The following ABCA2 variants were observed in gnomAD, a reference collection of about 807,000 sequenced individuals.
ABCA2 encodes ATP binding cassette subfamily A member 2, also known as ATP-binding cassette sub-family A member 2.
In ABCA2, 84 loss-of-function variants were observed where a neutral mutation model predicts 262.8. The ratio of observed to expected loss-of-function variants is 0.32; its 90% CI spans 0.27 to 0.38. ABCA2 has a LOEUF of 0.38. Among genes scored for constraint, ABCA2 ranks in the 10% least tolerant of loss-of-function variants. The probability of loss-of-function intolerance (pLI) is 1.00; values close to 1 mark genes in which losing one functional copy is unlikely to be tolerated. For missense variants in ABCA2, 2,662 were observed against 3,405.9 expected (o/e 0.78, Z 5.44); for synonymous variants, 1,696 against 1,502.9 (o/e 1.13, Z -2.97).
chr9:137,021,896 T>C lies in ABCA2; in HGVS notation c.673A>G (p.Met225Val). 2 of 1,594,620 alleles carry C rather than the reference T, an allele frequency of 1.3e-6. No homozygotes were observed. The highest frequency in any genetic ancestry group is 8.5e-7 in the Non-Finnish European group (1 of 1,171,536). The change falls in exon 7 of 49, where the codon ATG becomes GTG. Residue 225 changes from methionine (M) to valine (V), a missense_variant. Physicochemically the swap from Met to Val is conservative, Grantham distance 21 (BLOSUM62 1). Coordinates refer to ENST00000341511, the MANE Select transcript of ABCA2 (RefSeq NM_001606.5). This position sits in a 1 kb window ranked among gnomAD's most constrained non-coding sequence, Gnocchi z 6.0. ...CCACACATGGATGCCCTCACCTCCA[T>C]CCGGAACAGGGGATTGCCCCCTAGG... ...SRLGGNPLFRMEELLLAPALL... is the reference protein window; with the variant it reads ...SRLGGNPLFRVEELLLAPALL...
chr9:137,018,912 G>A lies in ABCA2; in HGVS notation c.1713C>T (p.Phe571=), dbSNP rs1831358425. 6.2e-7 allele frequency: 1 copy of A among 1,612,412 alleles called. No homozygotes were observed. ...IDNAACGWIQ[F]MSKVSVDIFK... Reference sequence around the variant, plus strand: ...AGGCCCCACCGCTCACCTTGGACATGAACTGGATCCAGCCGCAGGCCGCGT... The same window carrying A: ...AGGCCCCACCGCTCACCTTGGACATAAACTGGATCCAGCCGCAGGCCGCGT... Residue 571 remains phenylalanine, a synonymous_variant, in exon 12 of 49, where the codon TTC becomes TTT. Coordinates refer to ENST00000341511, the MANE Select transcript of ABCA2 (RefSeq NM_001606.5).
intron 1 of ABCA2, among the ~76,000 whole-genome samples, chr9:137,025,774 C>T (rs1247051732): frequency 6.6e-6 from 1 of 152,218 alleles, no homozygotes; most frequent in Non-Finnish European, 1.5e-5. Context: ...ACTGCAGCAA[C>T]AGGCCCGGCT....
chr9:137,015,215 G>A (rs1831213287), intron 24 of ABCA2, 118 bp from the exon 25 acceptor site: 13 of 1,277,958 alleles, frequency 1.0e-5, no homozygotes, highest in Admixed American at 2.7e-5. Context: ...GGCCCCAGCA[G>A]GTATCCTGGG....
intron 41 of ABCA2, 30 bp from the exon 42 acceptor site, chr9:137,010,154 G>C (rs766492404): frequency 6.3e-7 from 1 of 1,592,106 alleles, no homozygotes; most frequent in Non-Finnish European, 8.5e-7. Context: ...CAGCGCGTGA[G>C]GACGCGGCGG....
In ABCA2 at chr9:137,019,653, C is replaced by T; in HGVS notation, c.1426-347G>A. On this transcript the variant is annotated intron_variant, in intron 10 of 48. Transcript: ENST00000341511. The surrounding 1 kb of genome is among the most constrained non-coding windows in gnomAD (Gnocchi z 4.4). The stretch of plus-strand genomic sequence containing the variant: ...CTCGGGCTTGTCTCAAACTCCTGAG[C>T]TCAAGCGATCCTCCCACCATGGCTT... The T allele has an allele frequency of 4.1e-6, 1 of 243,382 alleles. No individual in the cohort carries two copies. The allele number at this position is 243,382 out of a possible 1,614,324, so 15.1% of individuals were successfully genotyped here. A position where few individuals can be genotyped will look rare whatever the true frequency, so the allele number is the denominator to read the frequency against.
chr9:137,016,786 C>A, intron 19 of ABCA2, 48 bp from the exon 20 acceptor site: 1 of 1,539,560 alleles, frequency 6.5e-7, no homozygotes, highest in East Asian at 2.3e-5. Context: ...CCTGGGGTGA[C>A]CATCCACCAC....
At chr9:137,010,587 AC>A in intron 40 of ABCA2, 32 bp downstream of exon 40, 1 of 293,802 alleles carries the variant, frequency 3.4e-6, no homozygotes, top group Non-Finnish European at 5.7e-6. Flanking sequence ...GGCCTACCCC[AC>A]CCAGGCCCCA....
rs200410448 is a variant in ABCA2 at position 137,019,144 on chromosome 9, C to A, written c.1554+34G>T. The A allele has an allele frequency of 1.0e-5, 16 of 1,605,184 alleles. No homozygotes were observed. Reference sequence around the variant, plus strand: ...GGCAGAGAGGGGCTCCCCACACCACCCACAGCCGCCTCCCTCGCGGGCACC... The same window carrying A: ...GGCAGAGAGGGGCTCCCCACACCACACACAGCCGCCTCCCTCGCGGGCACC... On this transcript the variant is annotated intron_variant, in intron 11 of 48. Coordinates refer to ENST00000341511, the MANE Select transcript of ABCA2 (RefSeq NM_001606.5). This position sits in a 1 kb window ranked among gnomAD's most constrained non-coding sequence, Gnocchi z 4.4.
chr9:137,015,517 C>T lies in ABCA2; in HGVS notation c.3594G>A (p.Gly1198=), dbSNP rs1207190280. The T allele has an allele frequency of 1.2e-6, 2 of 1,612,326 alleles. No individual in the cohort carries two copies. Among genetic ancestry groups the T allele is most frequent in the East Asian group, 2.2e-5 (1 of 44,858 alleles). ...GCGGGGAGCCGCAGCACTTGAGCTT[C>T]CCATGGGAGATGATGGCAATGCGGT... is the stretch of plus-strand genomic sequence containing the variant. ...LGDRIAIISH[G]KLKCCGSPLF... The change falls in exon 24 of 49, where the codon GGG becomes GGA. Residue 1198 remains glycine (G), a synonymous_variant. Transcript: ENST00000341511.
rs1382104431 is a variant in ABCA2 at position 137,013,462 on chromosome 9, G to A, written c.4549C>T (p.Arg1517Trp). ...GGCTGCCCCCGCTGGAGGCCTCACC[G>A]GTACTCGCGGCGCTCCTCGTTGGCG... ...PYANEERREYRLRLSPDASPQ... is the reference protein window; with the variant it reads ...PYANEERREYWLRLSPDASPQ... Residue 1517 changes from arginine (R) to tryptophan (W), a missense_variant and splice_region_variant, in exon 29 of 49, where the codon CGG becomes TGG. Physicochemically the swap from Arg to Trp is moderately radical, Grantham distance 101. This residue lies in a region of ABCA2 where 192 missense variants were observed against 207.2 expected (regional missense o/e 0.93). Coordinates refer to ENST00000341511, the MANE Select transcript of ABCA2 (RefSeq NM_001606.5). The A allele has an allele frequency of 1.0e-5, 16 of 1,596,196 alleles. No individual in the cohort carries two copies. Among genetic ancestry groups the A allele is most frequent in the African/African-American group, 2.7e-5 (2 of 74,296 alleles).
Position 137,010,240 on chromosome 9 carries a change from G to C in ABCA2, c.6306C>G (p.Thr2102=), listed in dbSNP as rs200002840. The C allele has an allele frequency of 1.2e-6, 2 of 1,604,072 alleles. No individual in the cohort carries two copies. The highest frequency in any genetic ancestry group is 2.3e-5 in the East Asian group (1 of 44,374). Residue 2102 remains threonine, a synonymous_variant, in exon 41 of 49, where the codon ACC becomes ACG. Coordinates refer to ENST00000341511, the MANE Select transcript of ABCA2 (RefSeq NM_001606.5). ...AGKTSTFKML[T]GDESTTGGEA... The stretch of plus-strand genomic sequence containing the variant: ...CGCCCCCCGTCGTGCTCTCGTCGCC[G>C]GTCAGCATCTTGAAGGTGCTGGTCT...
Position 137,008,979 on chromosome 9 carries a change from T to C in ABCA2, c.6902A>G (p.Asn2301Ser), listed in dbSNP as rs780108634. Residue 2301 changes from asparagine (N) to serine (S), a missense_variant, in exon 46 of 49, where the codon AAC (asparagine) becomes AGC (serine). Asn to Ser is a conservative substitution (Grantham distance 46, BLOSUM62 1). Transcript: ENST00000341511. ...GAGCATGGCTTCCGGGAAGTTGCGGTTGAAGAACCGCACCACGTCCTTCAC... is the reference window on the plus strand; with the variant it reads ...GAGCATGGCTTCCGGGAAGTTGCGGCTGAAGAACCGCACCACGTCCTTCAC... Reference protein sequence around the residue: ...QSVKDVVRFFNRNFPEAMLKE... With the variant: ...QSVKDVVRFFSRNFPEAMLKE... 2 of 1,502,506 alleles carry C rather than the reference T, an allele frequency of 1.3e-6. No individual in the cohort carries two copies. The highest frequency in any genetic ancestry group is 8.9e-7 in the Non-Finnish European group (1 of 1,120,030). The allele number at this position is 1,502,506 out of a possible 1,614,324, so 93.1% of individuals were successfully genotyped here.
At chr9:137,024,305 T>C (rs1831578907) in intron 1 of ABCA2, 69 bp from the exon 2 acceptor site, 6 of 1,385,442 alleles carry the variant, frequency 4.3e-6, no homozygotes, top group Non-Finnish European at 5.9e-6. Flanking sequence ...CAGCCTCCCA[T>C]AGGGCTGGCC....
At position 137,010,345 on chromosome 9, in the gene ABCA2, A is replaced by T; in HGVS notation, c.6201T>A (p.Arg2067=). The T allele has an allele frequency of 6.3e-7, 1 of 1,580,402 alleles. No individual in the cohort carries two copies. Among genetic ancestry groups the T allele is most frequent in the Non-Finnish European group, 8.6e-7 (1 of 1,163,840 alleles). Residue 2067 remains arginine, a synonymous_variant, in exon 41 of 49, where the codon CGT becomes CGA. Transcript: ENST00000341511. ...GGCACAGGCGGTCAACGGCCAGGAT[A>T]CGGCCAATCTTCCGGGACTTGTAGA... ...TKVYKSRKIG[R]ILAVDRLCLG...
chr9:137,011,586 G>A lies in ABCA2; in HGVS notation c.5652-32C>T. ...GCAGGTGGCGGGCAGTGGTCACCAG[G>A]CAGCCCCGGTCCCACCTGAGGCCGC... is the stretch of plus-strand genomic sequence containing the variant. On this transcript the variant is annotated intron_variant, in intron 36 of 48. Transcript: ENST00000341511. The surrounding 1 kb of genome is among the most constrained non-coding windows in gnomAD (Gnocchi z 8.8). The A allele has an allele frequency of 6.4e-7, 1 of 1,560,136 alleles. No individual in the cohort carries two copies. Among genetic ancestry groups the A allele is most frequent in the South Asian group, 1.2e-5 (1 of 85,204 alleles).
In ABCA2 at chr9:137,009,985, G is replaced by A. The variant is rs745775868; in HGVS notation, c.6493C>T (p.Arg2165Trp). The change falls in exon 42 of 49, where the codon CGG becomes TGG. Residue 2165 changes from arginine to tryptophan, a missense_variant and splice_region_variant. Arg to Trp is a moderately radical substitution (Grantham distance 101). Coordinates refer to ENST00000341511, the MANE Select transcript of ABCA2 (RefSeq NM_001606.5). ...TGCCCCGCCCCACAGATCCTCACCC[G>A]GGCCTCGTCCTTCCAGGAGATCCCA... ...LRGISWKDEA[R>W]VVKWALEKLE... 1.4e-5 allele frequency: 23 copies of A among 1,595,650 alleles called. No homozygotes were observed. Among genetic ancestry groups the A allele is most frequent in the South Asian group, 1.0e-4 (9 of 89,088 alleles).
chr9:137,016,692 GGACTTCTGC>G lies in ABCA2; in HGVS notation c.2796_2804del (p.Gln933_Ser935del), dbSNP rs1831271020. Reference sequence around the variant, plus strand: ...CTGTCCGCCCACTGCCCAGCCAGTAGGACTTCTGCAGTGGGAAGTACCAGGGCCGGGGCA... The same window carrying G: ...CTGTCCGCCCACTGCCCAGCCAGTAGAGTGGGAAGTACCAGGGCCGGGGCA... On this transcript the variant is annotated inframe_deletion, in exon 20 of 49. Coordinates refer to ENST00000341511, the MANE Select transcript of ABCA2 (RefSeq NM_001606.5). 6.3e-7 allele frequency: 1 copy of G among 1,588,798 alleles called. No homozygotes were observed. Among genetic ancestry groups the G allele is most frequent in the Non-Finnish European group, 8.6e-7 (1 of 1,167,778 alleles).
In ABCA2 at chr9:137,008,762, T is replaced by C. The variant is rs1830922779; in HGVS notation, c.7037A>G (p.Asp2346Gly). ...EQVSGVLGIE[D>G]YSVSQTTLDN... ...CAGTGTGGTCTGGCTGACCGAGTAG[T>C]CCTCGATGCCCAGCACGCCAGACAC... is the stretch of plus-strand genomic sequence containing the variant. The change falls in exon 47 of 49, where the codon GAC (aspartate) becomes GGC (glycine). Residue 2346 changes from aspartate to glycine, a missense_variant. Asp to Gly is a moderately conservative substitution (Grantham distance 94). Transcript: ENST00000341511. The C allele has an allele frequency of 1.3e-6, 2 of 1,590,932 alleles. No individual in the cohort carries two copies. The highest frequency in any genetic ancestry group is 1.7e-6 in the Non-Finnish European group (2 of 1,170,308).
rs1213549094 is a variant in ABCA2, at chr9:137,011,334, C to T, written c.5800-25G>A. On this transcript the variant is annotated intron_variant, in intron 37 of 48. Transcript: ENST00000341511. This position sits in a 1 kb window ranked among gnomAD's most constrained non-coding sequence, Gnocchi z 8.8. ...CCTGCGGGGTGGCCGGGGTCAGGGGCACAGGGGTGGCCGGGGTGAGGGGCA... is the reference window on the plus strand; with the variant it reads ...CCTGCGGGGTGGCCGGGGTCAGGGGTACAGGGGTGGCCGGGGTGAGGGGCA... 20 of 1,605,202 alleles carry T rather than the reference C, an allele frequency of 1.2e-5. No individual in the cohort carries two copies. Among genetic ancestry groups the T allele is most frequent in the Non-Finnish European group, 1.5e-5 (18 of 1,174,926 alleles).
Sources: gnomAD v4.1 joint callset for allele counts (sites outside exome capture counted in the v4.1 genomes callset) on GRCh38, gnomAD v4.1.1 for gene constraint, gnomAD v4.1.1 regional missense constraint, Gnocchi (gnomAD v3.1) non-coding constraint, MANE v1.5 for transcripts, NCBI Gene and HGNC (gene_info 2026-07-23, HGNC 2026-07-21) for gene names.